LRP1B: variants seen among roughly 807,000 people sequenced by gnomAD.
The protein encoded by LRP1B is low-density lipoprotein receptor-related protein 1B.
A neutral mutation model predicts 556.6 loss-of-function variants in LRP1B; 217 were observed. The ratio of observed to expected loss-of-function variants is 0.39; its 90% CI spans 0.35 to 0.44. The LOEUF (loss-of-function observed/expected upper bound fraction) is 0.44. Ranked by LOEUF, LRP1B falls within the 20% of genes least tolerant of loss-of-function variation. The probability of loss-of-function intolerance (pLI) is 1.00; values close to 1 mark genes in which losing one functional copy is unlikely to be tolerated. For synonymous variants in LRP1B, 2,047 were observed against 1,865.8 expected, an observed-to-expected ratio of 1.10 and a Z score of -2.50; for missense variants, 5,053 against 5,620.8, an observed-to-expected ratio of 0.90 and a Z score of 3.23.
intron 3 of LRP1B, among the ~76,000 whole-genome samples, chr2:141,466,380 A>G (rs1573977502): frequency 1.3e-5 from 2 of 152,322 alleles, no homozygotes; most frequent in Middle Eastern, 3.4e-3. Context: ...TAACTGCTCT[A>G]TTAAAACATG....
Position 141,777,065 on chromosome 2 carries a change from TGG to T in LRP1B, c.205+33212_205+33213del, listed in dbSNP as rs1006282589. Among the ~76,000 whole-genome samples, 36 of 151,744 alleles carry T rather than the reference TGG, an allele frequency of 2.4e-4. 1 individual carries two copies. The stretch of plus-strand genomic sequence containing the variant: ...ACTTTTCTGATAAATAAAGTGGAGG[TGG>T]GGGTTAGGACTGCTAGGACAACAAG... On this transcript the variant is annotated intron_variant, in intron 2 of 90. Coordinates refer to ENST00000389484, the MANE Select transcript of LRP1B (RefSeq NM_018557.3).
chr2:141,243,308 T>C (rs1339702400), intron 5 of LRP1B, among the ~76,000 whole-genome samples: 2 of 151,710 alleles, frequency 1.3e-5, no homozygotes, highest in Non-Finnish European at 2.9e-5. Context: ...CAGAGAGAGA[T>C]CCTGTGTGTA....
chr2:140,914,791 A>G (rs778339493), intron 21 of LRP1B, among the ~76,000 whole-genome samples: 3 of 152,186 alleles, frequency 2.0e-5, no homozygotes, highest in Admixed American at 6.5e-5. Flanking sequence ...GAGAATTCAT[A>G]AGAAAATATT....
chr2:141,397,142 G>C (rs4622649), intron 3 of LRP1B, among the ~76,000 whole-genome samples: 68,127 of 117,156 alleles, frequency 0.58, 20,296 homozygotes, highest in Non-Finnish European at 0.68. Context: ...AAAAGGATGT[G>C]GTTTCTACCC....
intron 31 of LRP1B, among the ~76,000 whole-genome samples, chr2:140,839,249 T>A (rs1429445470): frequency 6.6e-6 from 1 of 152,214 alleles, no homozygotes; most frequent in Non-Finnish European, 1.5e-5. Context: ...AATTATCATG[T>A]TAAAAAATTA....
intron 1 of LRP1B, among the ~76,000 whole-genome samples, chr2:141,959,288 T>A (rs1007043271): frequency 1.3e-5 from 2 of 152,006 alleles, no homozygotes; most frequent in Non-Finnish European, 2.9e-5. Context: ...TTTTCCTTAC[T>A]ACTATGTCAA....
chr2:141,463,889 T>C (rs1328767575), intron 3 of LRP1B, among the ~76,000 whole-genome samples: 2 of 148,170 alleles, frequency 1.3e-5, no homozygotes, highest in Admixed American at 1.4e-4. Flanking sequence ...ATTTTATATA[T>C]AGATATATCT....
intron 2 of LRP1B, among the ~76,000 whole-genome samples, chr2:141,721,900 C>T (rs896791826): frequency 6.6e-6 from 1 of 152,108 alleles, no homozygotes; most frequent in East Asian, 1.9e-4. Context: ...CCTTTTATTC[C>T]CTGATCCAGC....
rs145518941 is a variant in LRP1B, at chr2:140,985,719, A to G, written c.2771-3443T>C. On this transcript the variant is annotated intron_variant, in intron 17 of 90. Coordinates refer to ENST00000389484, the MANE Select transcript of LRP1B (RefSeq NM_018557.3). ...TATTATTCACTTCGCCGCATCCTGG[A>G]CAATCTATTCTGGTCAATTGTTCTT... Among the ~76,000 whole-genome samples, 415 of 151,636 alleles carry G rather than the reference A, an allele frequency of 2.7e-3. 2 individuals are homozygous for G. The highest frequency in any genetic ancestry group is 9.6e-3 in the African/African-American group (399 of 41,432).
chr2:141,342,188 G>A (rs1688088188), intron 3 of LRP1B, among the ~76,000 whole-genome samples: 1 of 148,568 alleles, frequency 6.7e-6, no homozygotes, highest in Non-Finnish European at 1.5e-5. Flanking sequence ...AGGTTGCAGT[G>A]AGCCGAGATC....
intron 2 of LRP1B, among the ~76,000 whole-genome samples, chr2:141,744,880 T>C (rs988832644): frequency 6.6e-6 from 1 of 152,210 alleles, no homozygotes; most frequent in Admixed American, 6.5e-5. Flanking sequence ...TATTGTGATC[T>C]AAGCCGTATT....
intron 77 of LRP1B, among the ~76,000 whole-genome samples, chr2:140,338,209 T>C (rs1681195766): frequency 6.6e-6 from 1 of 151,704 alleles, no homozygotes; most frequent in Non-Finnish European, 1.5e-5. Flanking sequence ...AGTTAGAATA[T>C]GGGGTAAAAA....
chr2:140,461,202 G>A (rs755079509), intron 60 of LRP1B, among the ~76,000 whole-genome samples: 22 of 151,776 alleles, frequency 1.4e-4, no homozygotes, highest in Non-Finnish European at 2.4e-4. Context: ...TTTTTAGTTA[G>A]CATTTATCAT....
At chr2:142,125,888 A>G (rs1262401238) in intron 1 of LRP1B, among the ~76,000 whole-genome samples, 6 of 151,998 alleles carry the variant, frequency 3.9e-5, no homozygotes, top group African/African-American at 7.2e-5. Flanking sequence ...CTATGCATCA[A>G]GATAGTTTTG....
chr2:141,181,520 T>A (rs1026165479), intron 7 of LRP1B, among the ~76,000 whole-genome samples: 1 of 151,818 alleles, frequency 6.6e-6, no homozygotes, highest in Non-Finnish European at 1.5e-5. Context: ...GAGGGAGGTT[T>A]AACAGACTTT....
intron 17 of LRP1B, among the ~76,000 whole-genome samples, chr2:140,986,565 G>A (rs1696933069): frequency 6.6e-6 from 1 of 151,876 alleles, no homozygotes; most frequent in African/African-American, 2.4e-5. Context: ...CTGTCACTTA[G>A]GAATTTTTCT....
chr2:141,117,222 T>C (rs897934211), intron 7 of LRP1B, among the ~76,000 whole-genome samples: 1 of 135,246 alleles, frequency 7.4e-6, no homozygotes. Context: ...AAGAATTACA[T>C]GTTTGGCTAC....
chr2:140,950,937 A>C (rs779297687), intron 19 of LRP1B, among the ~76,000 whole-genome samples: 2 of 151,970 alleles, frequency 1.3e-5, no homozygotes, highest in Non-Finnish European at 2.9e-5. Context: ...ATTTAATATC[A>C]ACTGCTAAAC....
chr2:140,628,537 G>A (rs1210262413), intron 41 of LRP1B, among the ~76,000 whole-genome samples: 49 of 138,380 alleles, frequency 3.5e-4, no homozygotes, highest in East Asian at 4.3e-4. Context: ...ACTCTGTCTC[G>A]AAAAAAAAAA....
Sources: allele counts gnomAD v4.1 joint callset (sites outside exome capture counted in the v4.1 genomes callset), GRCh38; gene constraint gnomAD v4.1.1; transcripts MANE v1.5; gene names NCBI Gene and HGNC (gene_info 2026-07-23, HGNC 2026-07-21).